Variants in SSBP3 observed in about 807,000 individuals in gnomAD.
SSBP3 encodes single-stranded DNA-binding protein 3.
In SSBP3, 5 loss-of-function variants were observed where a neutral mutation model predicts 69.6. That is an observed-to-expected ratio of 0.07 (90% CI 0.04 to 0.15). The LOEUF is 0.15. Among genes scored for constraint, SSBP3 ranks in the 10% least tolerant of loss-of-function variants. The pLI is 1.00. For missense variants in SSBP3, 312 were observed against 534.0 expected (o/e 0.58, Z 4.10); for synonymous variants, 196 against 193.4 (o/e 1.01, Z -0.11).
intron 4 of SSBP3, among the ~76,000 whole-genome samples, chr1:54,291,777 C>T (rs929461618): frequency 1.8e-4 from 28 of 152,224 alleles, no homozygotes; most frequent in Admixed American, 8.5e-4. Flanking sequence ...CACTACGAAG[C>T]GCTGGGCACT....
intron 14 of SSBP3, among the ~76,000 whole-genome samples, chr1:54,233,254 C>T (rs1015705635): frequency 6.7e-6 from 1 of 148,700 alleles, no homozygotes; most frequent in Non-Finnish European, 1.5e-5. Context: ...ATGTGAGGAG[C>T]GCCTCTGCCC....
At chr1:54,232,919 C>G (rs901064294) in intron 14 of SSBP3, among the ~76,000 whole-genome samples, 2 of 152,182 alleles carry the variant, frequency 1.3e-5, no homozygotes, top group African/African-American at 4.8e-5. Context: ...GTGGCGTGAT[C>G]TCGGCTCGCT....
At chr1:54,291,080 C>T (rs114296094) in intron 4 of SSBP3, among the ~76,000 whole-genome samples, 19 of 152,186 alleles carry the variant, frequency 1.2e-4, no homozygotes, top group Admixed American at 3.9e-4. Context: ...CCCGCGCACA[C>T]GCTCAGTTCC....
chr1:54,230,929 G>C (rs1230789552), intron 14 of SSBP3, among the ~76,000 whole-genome samples: 1 of 152,182 alleles, frequency 6.6e-6, no homozygotes, highest in Non-Finnish European at 1.5e-5. Flanking sequence ...GGAACGTTCA[G>C]GTTATTTTCA....
chr1:54,310,695 G>A (rs1645985953), intron 4 of SSBP3, among the ~76,000 whole-genome samples: 1 of 151,380 alleles, frequency 6.6e-6, no homozygotes, highest in African/African-American at 2.4e-5. Flanking sequence ...AAGTGGAATA[G>A]TGGGGCTGGG....
chr1:54,271,959 G>A (rs1356672468), intron 5 of SSBP3, among the ~76,000 whole-genome samples: 1 of 151,962 alleles, frequency 6.6e-6, no homozygotes, highest in Non-Finnish European at 1.5e-5. Context: ...CAATACAGAC[G>A]AGGTTTCACC....
chr1:54,253,988 G>A (rs1252208017), intron 7 of SSBP3, among the ~76,000 whole-genome samples: 1 of 152,218 alleles, frequency 6.6e-6, no homozygotes, highest in Non-Finnish European at 1.5e-5. Flanking sequence ...CCCTCACTGA[G>A]GTGACCCTGA....
chr1:54,225,553 A>C, exon 18 of SSBP3: 2 of 665,764 alleles, frequency 3.0e-6, no homozygotes, highest in Non-Finnish European at 4.2e-6. Flanking sequence ...GGTAAGAAAA[A>C]ACACAGAAAC....
chr1:54,347,120 C>T (rs1166352253), intron 4 of SSBP3, among the ~76,000 whole-genome samples: 2 of 152,208 alleles, frequency 1.3e-5, no homozygotes, highest in Non-Finnish European at 2.9e-5. Flanking sequence ...CACCACCACA[C>T]CCAGCTAATT....
chr1:54,349,699 G>C (rs1646750641), intron 4 of SSBP3, among the ~76,000 whole-genome samples: 1 of 144,992 alleles, frequency 6.9e-6, no homozygotes, highest in African/African-American at 2.6e-5. Context: ...ATCCAATGAG[G>C]AAACAGTGTG....
At chr1:54,405,988 G>C (rs767395337) in exon 1 of SSBP3, 2 of 1,484,248 alleles carry the variant, frequency 1.3e-6, no homozygotes, top group Non-Finnish European at 1.8e-6. Context: ...GCACCGCCGA[G>C]CCTTTGCCTT....
At chr1:54,292,700 T>G (rs547462511) in intron 4 of SSBP3, among the ~76,000 whole-genome samples, 8 of 152,200 alleles carry the variant, frequency 5.3e-5, no homozygotes, top group Non-Finnish European at 1.2e-4. Context: ...GAGGGAGTGG[T>G]GCCAAAGCAA....
Position 54,373,327 on chromosome 1 carries a change from G to A in SSBP3, c.276+28534C>T, listed in dbSNP as rs116628489. Among the ~76,000 whole-genome samples, 712 of 152,222 alleles carry A rather than the reference G, an allele frequency of 4.7e-3. 5 individuals carry two copies. The highest frequency in any genetic ancestry group is 0.017 in the African/African-American group (694 of 41,518). ...GCGGCCTCTTCCCTGTCTGGGACTC[G>A]GTTTCCTCTTCTATAAAAAGCGAGT... On this transcript the variant is annotated intron_variant, in intron 4 of 17. Coordinates refer to ENST00000610401, the Ensembl canonical transcript of SSBP3.
rs1644638205 is a variant in SSBP3 at position 54,241,527 on chromosome 1, G to A, written c.766-18C>T. The A allele has an allele frequency of 1.9e-6, 3 of 1,613,612 alleles. No homozygotes were observed. Among genetic ancestry groups the A allele is most frequent in the South Asian group, 1.1e-5 (1 of 91,068 alleles). On this transcript the variant is annotated intron_variant, in intron 11 of 17. Coordinates refer to ENST00000610401, the Ensembl canonical transcript of SSBP3. ...TATGGAATCTAAAAACAAGATGTCA[G>A]GGAGCCCCACGTCAGAGTCACTGAG...
intron 5 of SSBP3, among the ~76,000 whole-genome samples, chr1:54,263,658 C>T (rs1174161327): frequency 6.6e-6 from 1 of 152,226 alleles, no homozygotes; most frequent in Non-Finnish European, 1.5e-5. Flanking sequence ...CTTTCCTGCT[C>T]CAGCCCTTCA....
Position 54,395,196 on chromosome 1 carries a change from A to G in SSBP3, c.276+6665T>C, listed in dbSNP as rs184246807. On this transcript the variant is annotated intron_variant, in intron 4 of 17. Transcript: ENST00000610401. ...CCTGTTAACAATGACACAGGATTTC[A>G]CAGCACAACCAACTTTCCCTGGACA... Among the ~76,000 whole-genome samples the G allele has an allele frequency of 1.7e-4, 26 of 152,276 alleles. No individual in the cohort carries two copies. The East Asian group carries it at 3.5e-3, about 20-fold the overall frequency.
chr1:54,403,190 C>T (rs563297806), intron 3 of SSBP3, among the ~76,000 whole-genome samples: 1 of 152,310 alleles, frequency 6.6e-6, no homozygotes, highest in South Asian at 2.1e-4. Context: ...ACTCTACGTT[C>T]CTGCGGCTGA....
At chr1:54,397,008 G>A (rs1322326961) in intron 4 of SSBP3, among the ~76,000 whole-genome samples, 1 of 152,214 alleles carries the variant, frequency 6.6e-6, no homozygotes, top group Non-Finnish European at 1.5e-5. Context: ...AAAACAGGGC[G>A]GGAGCTTAAA....
chr1:54,234,911 ACCACT>A (rs751189553), intron 14 of SSBP3, among the ~76,000 whole-genome samples: 3 of 152,114 alleles, frequency 2.0e-5, no homozygotes, highest in Non-Finnish European at 2.9e-5. Context: ...ACAGGCATAC[ACCACT>A]GTACCCAGCT....
Sources: allele counts gnomAD v4.1 joint callset (sites outside exome capture counted in the v4.1 genomes callset), GRCh38; gene constraint gnomAD v4.1.1; transcripts MANE v1.5; gene names NCBI Gene and HGNC (gene_info 2026-07-23, HGNC 2026-07-21).